PPP2R1B: variants seen among roughly 807,000 people sequenced by gnomAD.
PPP2R1B encodes serine/threonine-protein phosphatase 2A 65 kDa regulatory subunit A beta isoform.
A neutral mutation model predicts 72.7 loss-of-function variants in PPP2R1B; 58 were observed. That is an observed-to-expected ratio of 0.80 (90% CI 0.65 to 0.99). PPP2R1B has a LOEUF of 0.99. Among genes scored for constraint, PPP2R1B ranks in the 50% least tolerant of loss-of-function variants. The pLI, the probability that PPP2R1B is intolerant of heterozygous loss-of-function variation, is 0.00. For synonymous variants in PPP2R1B, 256 were observed against 264.6 expected, an observed-to-expected ratio of 0.97 and a Z score of 0.32; for missense variants, 695 against 733.6, an observed-to-expected ratio of 0.95 and a Z score of 0.61.
At chr11:111,708,536 C>T in the PPP2R1B span, among the ~76,000 whole-genome samples, 84 of 152,018 alleles carry the variant, frequency 5.5e-4, 1 homozygote, top group Middle Eastern at 3.4e-3. Context: ...AGAAAAAATA[C>T]GTCATATTTT....
rs1944514786 is a variant in PPP2R1B, at chr11:111,741,423, T to C, written c.*173A>G. On this transcript the variant is annotated 3_prime_UTR_variant, in exon 15 of 15. Transcript: ENST00000527614. ...AACAAGGAAGACGAGTAAAAAACAA[T>C]CCCATTTCATCTTTAGAAAGAATTA... 7.1e-7 allele frequency: 1 copy of C among 1,415,806 alleles called. No homozygotes were observed. The highest frequency in any genetic ancestry group is 1.5e-5 in the African/African-American group (1 of 68,626). 87.7% of individuals were successfully genotyped at this position (1,415,806 alleles called of 1,614,324 possible). A position where few individuals can be genotyped will look rare whatever the true frequency, so the allele number is the denominator to read the frequency against.
chr11:111,759,594 C>T (rs1237847530), intron 5 of PPP2R1B, among the ~76,000 whole-genome samples: 2 of 152,184 alleles, frequency 1.3e-5, no homozygotes, highest in Non-Finnish European at 2.9e-5. Context: ...ACTCTTTTAA[C>T]AGCTGCTAAT....
chr11:111,727,240 C>T (rs768874535), intron 15 of PPP2R1B: 11 of 612,646 alleles, frequency 1.8e-5, no homozygotes, highest in Non-Finnish European at 2.9e-5. Context: ...CGTGGGAGAG[C>T]ATCAGGGCCC....
At chr11:111,762,573 A>T (rs1945365931) in intron 3 of PPP2R1B, among the ~76,000 whole-genome samples, 1 of 146,222 alleles carries the variant, frequency 6.8e-6, no homozygotes, top group African/African-American at 2.6e-5. Flanking sequence ...TTTTTTTTTA[A>T]GAGACAGGGT....
downstream of PPP2R1B, chr11:111,723,936 C>T (rs759212346): frequency 1.5e-5 from 24 of 1,614,104 alleles, no homozygotes; most frequent in Middle Eastern, 1.6e-4. Flanking sequence ...GACTATCCCA[C>T]TCCCTGTCAG....
Position 111,738,792 on chromosome 11 carries a change from T to C in PPP2R1B, c.*2804A>G, listed in dbSNP as rs1944418499. The C allele has an allele frequency of 1.0e-6, 1 of 985,228 alleles. No individual in the cohort carries two copies. Among genetic ancestry groups the C allele is most frequent in the East Asian group, 1.1e-4 (1 of 8,832 alleles). 61.0% of individuals were successfully genotyped at this position (985,228 alleles called of 1,614,324 possible). On this transcript the variant is annotated 3_prime_UTR_variant, in exon 15 of 15. Coordinates refer to ENST00000527614, the MANE Select transcript of PPP2R1B (RefSeq NM_002716.5). The stretch of plus-strand genomic sequence containing the variant: ...AACAAGACCTGGTCTCTTAAACCTG[T>C]GAGGGGTAAACCCCACACAAATTAC...
downstream of PPP2R1B, among the ~76,000 whole-genome samples, chr11:111,722,313 C>T (rs955877325): frequency 2.0e-5 from 3 of 152,194 alleles, no homozygotes; most frequent in Non-Finnish European, 2.9e-5. The surrounding 1 kb of genome is among the most constrained non-coding windows in gnomAD (Gnocchi z 4.4). Context: ...TCTTAAAAAG[C>T]GATAAAGCAT....
chr11:111,726,801 A>T (rs1943982009), downstream of PPP2R1B: 4 of 629,906 alleles, frequency 6.4e-6, no homozygotes, highest in Non-Finnish European at 1.1e-5. Context: ...GATTCACGTT[A>T]GCAGTGTGTA....
the PPP2R1B span, among the ~76,000 whole-genome samples, chr11:111,709,457 C>T: frequency 2.0e-5 from 3 of 152,214 alleles, no homozygotes; most frequent in East Asian, 1.9e-4. Flanking sequence ...TAGGAAAGAA[C>T]GTTATTTTCA....
chr11:111,737,919 G>C lies in PPP2R1B; in HGVS notation c.*3677C>G. The C allele has an allele frequency of 9.5e-7, 1 of 1,053,900 alleles. No homozygotes were observed. Among genetic ancestry groups the C allele is most frequent in the Non-Finnish European group, 1.1e-6 (1 of 871,502 alleles). 65.3% of individuals were successfully genotyped at this position (1,053,900 alleles called of 1,614,324 possible). A position where few individuals can be genotyped will look rare whatever the true frequency, so the allele number is the denominator to read the frequency against. ...GTTTAAGAGAACAACTCTGGAGACA[G>C]AAATGGCTTGGCTTTCCGACGCAAT... On this transcript the variant is annotated 3_prime_UTR_variant, in exon 15 of 15. Coordinates refer to ENST00000527614, the MANE Select transcript of PPP2R1B (RefSeq NM_002716.5).
At chr11:111,762,683 C>T (rs1945371822) in intron 3 of PPP2R1B, among the ~76,000 whole-genome samples, 2 of 151,782 alleles carry the variant, frequency 1.3e-5, no homozygotes, top group South Asian at 4.2e-4. Context: ...ATAGCTAGGA[C>T]TCAGACACAT....
At position 111,742,634 on chromosome 11, in the gene PPP2R1B, GT is replaced by G; in HGVS notation, c.1585del (p.Thr529LeufsTer10). The G allele has an allele frequency of 1.2e-6, 2 of 1,613,380 alleles. No individual in the cohort carries two copies. The highest frequency in any genetic ancestry group is 2.2e-5 in the South Asian group (2 of 91,044). Reference sequence around the variant, plus strand: ...TACGATGGGCAGCATTTGCTTAGTAGTTATTTCCTGACCACAGGCCTCAGAC... The same window carrying G: ...TACGATGGGCAGCATTTGCTTAGTAGTATTTCCTGACCACAGGCCTCAGAC... ...ALSEACGQEI[T>X]TKQMLPIVLK... On this transcript the variant is annotated frameshift_variant, in exon 13 of 15. Transcript: ENST00000527614. LOFTEE classifies it high-confidence loss of function.
intron 15 of PPP2R1B, chr11:111,727,197 G>T: frequency 1.4e-6 from 1 of 701,760 alleles, no homozygotes; most frequent in Non-Finnish European, 2.5e-6. Context: ...GGAGGCTGAT[G>T]GTTCTCTACA....
At chr11:111,704,902 T>G in the PPP2R1B span, 32 of 1,432,868 alleles carry the variant, frequency 2.2e-5, no homozygotes, top group Admixed American at 8.9e-4. Flanking sequence ...GCACACAATT[T>G]CTTTCCTCTT....
At chr11:111,694,882 C>T in the PPP2R1B span, among the ~76,000 whole-genome samples, 1 of 152,172 alleles carries the variant, frequency 6.6e-6, no homozygotes, top group Non-Finnish European at 1.5e-5. Flanking sequence ...TCATTGAACT[C>T]TCTGACTGGA....
chr11:111,755,458 A>G lies in PPP2R1B; in HGVS notation c.688-8T>C, dbSNP rs369484765. 1.3e-6 allele frequency: 2 copies of G among 1,592,598 alleles called. No homozygotes were observed. Among genetic ancestry groups the G allele is most frequent in the African/African-American group, 1.4e-5 (1 of 73,508 alleles). On this transcript the variant is annotated splice_region_variant and splice_polypyrimidine_tract_variant and intron_variant, in intron 5 of 14. Transcript: ENST00000527614. ...AAGGAGGCGCACTGAATCCTAAAGG[A>G]ACAAAATTTCTGTAATTCAGACATT...
chr11:111,718,940 G>T, the PPP2R1B span: 1 of 152,292 alleles, frequency 6.6e-6, no homozygotes, highest in East Asian at 1.9e-4. Flanking sequence ...CCAGTATGCT[G>T]TTCTGCCTGC....
chr11:111,706,959 CAAAAAA>C, the PPP2R1B span, among the ~76,000 whole-genome samples: 5 of 52,112 alleles, frequency 9.6e-5, no homozygotes, highest in South Asian at 2.7e-3. Flanking sequence ...GACTCCGTCT[CAAAAAA>C]AAAAAAAAAA....
At chr11:111,721,843 A>G in the PPP2R1B span, 9 of 1,608,072 alleles carry the variant, frequency 5.6e-6, no homozygotes, top group Admixed American at 1.0e-4. Flanking sequence ...GAAGTTTCTC[A>G]GCAGCAGGAA....
Sources: allele counts gnomAD v4.1 joint callset (sites outside exome capture counted in the v4.1 genomes callset), GRCh38; gene constraint gnomAD v4.1.1; non-coding constraint Gnocchi (gnomAD v3.1); transcripts MANE v1.5; gene names NCBI Gene and HGNC (gene_info 2026-07-23, HGNC 2026-07-21).